SOCS5: variants seen among roughly 807,000 people sequenced by gnomAD.
The protein encoded by SOCS5 is suppressor of cytokine signaling 5.
A neutral mutation model predicts 42.8 loss-of-function variants in SOCS5; 32 were observed. The observed-to-expected ratio is 0.75, with a 90% CI of 0.56 to 1.01. The LOEUF (loss-of-function observed/expected upper bound fraction) is 1.01, where lower values mean the gene tolerates loss of function less well. Among genes scored for constraint, SOCS5 ranks in the 50% least tolerant of loss-of-function variants. SOCS5 has a pLI of 0.00. For missense variants in SOCS5, 627 were observed against 653.0 expected (o/e 0.96, Z 0.43); for synonymous variants, 283 against 229.6 (o/e 1.23, Z -2.10).
chr2:46,706,521 G>A (rs1195159707), intron 1 of SOCS5, among the ~76,000 whole-genome samples: 1 of 152,136 alleles, frequency 6.6e-6, no homozygotes, highest in East Asian at 1.9e-4. Flanking sequence ...AGGAAAGCTA[G>A]GAATGTCTTG....
At chr2:46,719,957 T>A (rs535306819) in intron 1 of SOCS5, among the ~76,000 whole-genome samples, 2 of 152,312 alleles carry the variant, frequency 1.3e-5, no homozygotes, top group East Asian at 1.9e-4. Context: ...AAAGGTAATT[T>A]AAAAAATTTA....
At chr2:46,724,941 T>C (rs1672960460) in intron 1 of SOCS5, among the ~76,000 whole-genome samples, 2 of 152,074 alleles carry the variant, frequency 1.3e-5, no homozygotes, top group African/African-American at 4.8e-5. Flanking sequence ...TTTTGTTGCA[T>C]AGTTTTTTGA....
At chr2:46,701,361 T>G (rs541053618) in intron 1 of SOCS5, among the ~76,000 whole-genome samples, 5 of 152,282 alleles carry the variant, frequency 3.3e-5, no homozygotes, top group African/African-American at 9.6e-5. Flanking sequence ...AAAAAAGATG[T>G]ATGTGTATGA....
At chr2:46,723,561 A>G (rs532366686) in intron 1 of SOCS5, among the ~76,000 whole-genome samples, 1 of 152,050 alleles carries the variant, frequency 6.6e-6, no homozygotes, top group Non-Finnish European at 1.5e-5. Context: ...CCCTTGAGTC[A>G]TCTTGCACTG....
chr2:46,743,281 A>G (rs969036054), intron 1 of SOCS5, among the ~76,000 whole-genome samples: 1 of 152,142 alleles, frequency 6.6e-6, no homozygotes, highest in Non-Finnish European at 1.5e-5. Flanking sequence ...GTTTATTAAT[A>G]AGTTAAAGGA....
chr2:46,742,336 A>G (rs1466958059), intron 1 of SOCS5, among the ~76,000 whole-genome samples: 2 of 143,658 alleles, frequency 1.4e-5, no homozygotes, highest in African/African-American at 2.5e-5. Flanking sequence ...CATCCTCTCC[A>G]TACCCCCACC....
At chr2:46,741,411 G>A (rs1056535611) in intron 1 of SOCS5, among the ~76,000 whole-genome samples, 10 of 152,118 alleles carry the variant, frequency 6.6e-5, no homozygotes, top group South Asian at 6.2e-4. Flanking sequence ...GCTAATTTTT[G>A]TATTTTTACA....
chr2:46,732,556 C>T (rs577934959), intron 1 of SOCS5, among the ~76,000 whole-genome samples: 13 of 152,314 alleles, frequency 8.5e-5, no homozygotes, highest in African/African-American at 3.1e-4. Flanking sequence ...CATCATGGCC[C>T]AATGTGCCAC....
intron 1 of SOCS5, among the ~76,000 whole-genome samples, chr2:46,747,074 G>A (rs1276681910): frequency 6.6e-6 from 1 of 151,774 alleles, no homozygotes; most frequent in Non-Finnish European, 1.5e-5. Context: ...TTTTCCTTGA[G>A]CAAAGATTTT....
In SOCS5 at chr2:46,759,589, A is replaced by G; in HGVS notation, c.1059A>G (p.Arg353=). The G allele has an allele frequency of 6.2e-7, 1 of 1,613,996 alleles. No homozygotes were observed. The highest frequency in any genetic ancestry group is 8.5e-7 in the Non-Finnish European group (1 of 1,179,858). The part of the protein sequence containing the change: ...ISGDSHTHVS[R]QGAWKVHTQI... ...GAGACAGCCATACCCATGTTAGCAG[A>G]CAGGGAGCTTGGAAAGTCCACACAC... Residue 353 remains arginine, a synonymous_variant, in exon 2 of 2, where the codon AGA becomes AGG. Coordinates refer to ENST00000394861, the MANE Select transcript of SOCS5 (RefSeq NM_144949.3).
At chr2:46,735,676 T>A (rs1673227491) in intron 1 of SOCS5, among the ~76,000 whole-genome samples, 1 of 152,052 alleles carries the variant, frequency 6.6e-6, no homozygotes, top group South Asian at 2.1e-4. Context: ...TTCATACTTG[T>A]TGAATGAATG....
chr2:46,732,263 G>A (rs747800980), intron 1 of SOCS5, among the ~76,000 whole-genome samples: 1 of 152,166 alleles, frequency 6.6e-6, no homozygotes, highest in African/African-American at 2.4e-5. Flanking sequence ...ATTCCATTCC[G>A]AGAGCACACC....
chr2:46,717,222 T>C (rs1397911291), intron 1 of SOCS5, among the ~76,000 whole-genome samples: 1 of 152,186 alleles, frequency 6.6e-6, no homozygotes, highest in Non-Finnish European at 1.5e-5. Flanking sequence ...CTGAGCTCTG[T>C]CACGTCAGCT....
In SOCS5 at chr2:46,759,122, T is replaced by C; in HGVS notation, c.592T>C (p.Ser198Pro). Reference protein sequence around the residue: ...CFPMRTYSKQSKPLFSNKRKI... With the variant: ...CFPMRTYSKQPKPLFSNKRKI... The stretch of plus-strand genomic sequence containing the variant: ...TCCCATGAGAACTTACAGCAAGCAG[T>C]CAAAGCCTCTCTTTTCCAATAAAAG... The change falls in exon 2 of 2, where the codon TCA becomes CCA. Residue 198 changes from serine (S) to proline (P), a missense_variant. By Grantham distance (74) the Ser-to-Pro change is moderately conservative (BLOSUM62 -1). Transcript: ENST00000394861. The C allele has an allele frequency of 1.2e-6, 2 of 1,614,004 alleles. No individual in the cohort carries two copies. The highest frequency in any genetic ancestry group is 1.7e-6 in the Non-Finnish European group (2 of 1,179,854).
chr2:46,756,215 T>C (rs1673726847), intron 1 of SOCS5, among the ~76,000 whole-genome samples: 1 of 152,220 alleles, frequency 6.6e-6, no homozygotes, highest in African/African-American at 2.4e-5. Context: ...GAGAAGTATC[T>C]TTAGATAGCT....
chr2:46,730,678 CTA>C (rs1435236360), intron 1 of SOCS5, among the ~76,000 whole-genome samples: 1 of 152,130 alleles, frequency 6.6e-6, no homozygotes, highest in African/African-American at 2.4e-5. Context: ...AAATGTATAA[CTA>C]AATTTAATTT....
intron 1 of SOCS5, among the ~76,000 whole-genome samples, chr2:46,746,819 TTTTC>T (rs1673509638): frequency 6.6e-6 from 1 of 152,168 alleles, no homozygotes; most frequent in East Asian, 1.9e-4. Context: ...CTTAGTTTAC[TTTTC>T]TTTCTTTTTT....
chr2:46,752,870 T>C (rs1673654202), intron 1 of SOCS5, among the ~76,000 whole-genome samples: 1 of 152,216 alleles, frequency 6.6e-6, no homozygotes, highest in Non-Finnish European at 1.5e-5. Context: ...GCAAGACTCC[T>C]AGTGTCATTT....
At position 46,741,004 on chromosome 2, in the gene SOCS5, C is replaced by G. The variant is rs1673362052; in HGVS notation, c.-12-17515C>G. Reference sequence around the variant, plus strand: ...TATTACTTACCACTAATTCCTAATACTGTTTGAGAAAGTCACGCTGGCTTG... The same window carrying G: ...TATTACTTACCACTAATTCCTAATAGTGTTTGAGAAAGTCACGCTGGCTTG... On this transcript the variant is annotated intron_variant, in intron 1 of 1. Coordinates refer to ENST00000394861, the MANE Select transcript of SOCS5 (RefSeq NM_144949.3). Among the ~76,000 whole-genome samples, 3 of 152,130 alleles carry G rather than the reference C, an allele frequency of 2.0e-5. No individual in the cohort carries two copies. In the South Asian group the frequency reaches 6.2e-4, roughly 31 times the overall value.
Sources: gnomAD v4.1 joint callset for allele counts (sites outside exome capture counted in the v4.1 genomes callset) on GRCh38, gnomAD v4.1.1 for gene constraint, MANE v1.5 for transcripts, NCBI Gene and HGNC (gene_info 2026-07-23, HGNC 2026-07-21) for gene names.